GRXCR1: variants seen among roughly 807,000 people sequenced by gnomAD.
The protein encoded by GRXCR1 is glutaredoxin and cysteine rich domain containing 1.
Under a neutral mutation model 27.3 loss-of-function variants are expected in GRXCR1, and 27 were observed. The ratio of observed to expected loss-of-function variants is 0.99; its 90% CI spans 0.73 to 1.37. GRXCR1 has a LOEUF of 1.37. Among genes scored for constraint, GRXCR1 ranks in the 40% most tolerant of loss-of-function variants. The pLI is 0.00. For missense variants in GRXCR1, 379 were observed against 354.4 expected (o/e 1.07, Z -0.56); for synonymous variants, 122 against 131.1 (o/e 0.93, Z 0.47).
At chr4:42,930,898 A>G (rs1473347554) in intron 1 of GRXCR1, among the ~76,000 whole-genome samples, 3 of 152,084 alleles carry the variant, frequency 2.0e-5, no homozygotes, top group Admixed American at 2.0e-4. Context: ...TCAAGCTAGT[A>G]AATTTTCTTG....
chr4:42,975,280 G>A (rs573545699), intron 2 of GRXCR1, among the ~76,000 whole-genome samples: 1 of 152,164 alleles, frequency 6.6e-6, no homozygotes, highest in East Asian at 1.9e-4. Context: ...TTAATATCTG[G>A]CTCTGTGCCT....
intron 2 of GRXCR1, among the ~76,000 whole-genome samples, chr4:42,988,958 T>C (rs1376724763): frequency 1.3e-5 from 2 of 152,212 alleles, no homozygotes; most frequent in African/African-American, 4.8e-5. Flanking sequence ...AAAAATTTTC[T>C]GACTGGGTGA....
At chr4:42,896,253 A>AT (rs1746344469) in intron 1 of GRXCR1, among the ~76,000 whole-genome samples, 1 of 152,226 alleles carries the variant, frequency 6.6e-6, no homozygotes, top group African/African-American at 2.4e-5. Flanking sequence ...AGTCATTGCA[A>AT]TTTTTGCCTT....
intron 1 of GRXCR1, among the ~76,000 whole-genome samples, chr4:42,894,625 G>A (rs1050809981): frequency 6.6e-6 from 1 of 152,072 alleles, no homozygotes; most frequent in Non-Finnish European, 1.5e-5. Flanking sequence ...TTCAAAGAAA[G>A]TATTTGAAAA....
At chr4:43,015,471 A>G (rs1372059467) in intron 2 of GRXCR1, among the ~76,000 whole-genome samples, 1 of 152,172 alleles carries the variant, frequency 6.6e-6, no homozygotes, top group Non-Finnish European at 1.5e-5. Flanking sequence ...CAATATTTTT[A>G]TGGTTACCAA....
intron 3 of GRXCR1, among the ~76,000 whole-genome samples, chr4:43,026,958 C>T (rs1300261075): frequency 6.6e-6 from 1 of 152,280 alleles, no homozygotes; most frequent in African/African-American, 2.4e-5. Context: ...AGAAATAGCA[C>T]ATGAATTGAA....
At chr4:42,973,204 T>A (rs78108496) in intron 2 of GRXCR1, among the ~76,000 whole-genome samples, 2 of 152,308 alleles carry the variant, frequency 1.3e-5, no homozygotes, top group East Asian at 3.9e-4. Flanking sequence ...TTTTTCTTTC[T>A]TACTCCACAT....
intron 1 of GRXCR1, among the ~76,000 whole-genome samples, chr4:42,922,180 T>C (rs1868792): frequency 0.2 from 29,913 of 152,102 alleles, 3,657 homozygotes; most frequent in Admixed American, 0.29. Context: ...CACAGTCAAA[T>C]TGGGGTTTAG....
intron 1 of GRXCR1, among the ~76,000 whole-genome samples, chr4:42,944,027 G>A (rs1747685368): frequency 6.6e-6 from 1 of 152,060 alleles, no homozygotes; most frequent in Admixed American, 6.6e-5. Flanking sequence ...TCCTAACAAA[G>A]TGTGTATTTT....
At chr4:42,921,059 T>C (rs544630851) in intron 1 of GRXCR1, among the ~76,000 whole-genome samples, 6 of 152,224 alleles carry the variant, frequency 3.9e-5, no homozygotes, top group Admixed American at 1.3e-4. Context: ...TTAAAATTCA[T>C]ATGTTGAAAT....
chr4:42,976,243 A>G (rs1748515604), intron 2 of GRXCR1, among the ~76,000 whole-genome samples: 1 of 152,068 alleles, frequency 6.6e-6, no homozygotes, highest in South Asian at 2.1e-4. Context: ...TCACAGTTAA[A>G]TGAAGACTTA....
At chr4:42,978,136 T>C (rs1443666904) in intron 2 of GRXCR1, among the ~76,000 whole-genome samples, 2 of 152,110 alleles carry the variant, frequency 1.3e-5, no homozygotes, top group Admixed American at 1.3e-4. Context: ...TTCTGGCCTC[T>C]GTATTCTGTT....
intron 2 of GRXCR1, among the ~76,000 whole-genome samples, chr4:42,979,041 T>G (rs1560672825): frequency 6.6e-6 from 1 of 151,960 alleles, no homozygotes; most frequent in African/African-American, 2.4e-5. Flanking sequence ...TCCTGAGGCC[T>G]CCCTAGCCAT....
intron 1 of GRXCR1, among the ~76,000 whole-genome samples, chr4:42,955,006 T>C (rs1238256840): frequency 2.0e-5 from 3 of 152,152 alleles, no homozygotes; most frequent in Non-Finnish European, 2.9e-5. Flanking sequence ...CAGAATATCA[T>C]GGAGAGGGAG....
At chr4:42,934,584 C>T (rs1021287602) in intron 1 of GRXCR1, among the ~76,000 whole-genome samples, 34 of 151,932 alleles carry the variant, frequency 2.2e-4, no homozygotes, top group African/African-American at 7.7e-4. Flanking sequence ...CAGAATGCTA[C>T]ACATTTCTCC....
chr4:42,913,911 T>C (rs531425839), intron 1 of GRXCR1, among the ~76,000 whole-genome samples: 48 of 152,306 alleles, frequency 3.2e-4, no homozygotes, highest in Non-Finnish European at 5.7e-4. Flanking sequence ...CTTCAGAGGA[T>C]GAAAGCCCCA....
At chr4:42,988,012 A>G (rs1018702170) in intron 2 of GRXCR1, among the ~76,000 whole-genome samples, 3 of 152,190 alleles carry the variant, frequency 2.0e-5, no homozygotes, top group Non-Finnish European at 4.4e-5. Flanking sequence ...GGGTCCTCAG[A>G]TGTCACACAG....
chr4:43,003,915 G>C (rs189646385), intron 2 of GRXCR1, among the ~76,000 whole-genome samples: 2 of 152,246 alleles, frequency 1.3e-5, no homozygotes, highest in African/African-American at 4.8e-5. Flanking sequence ...GCTGGCTGCA[G>C]AAATTTACGT....
intron 1 of GRXCR1, among the ~76,000 whole-genome samples, chr4:42,953,269 G>T (rs961074867): frequency 6.6e-6 from 1 of 152,130 alleles, no homozygotes; most frequent in Non-Finnish European, 1.5e-5. Context: ...GAATCTGTGT[G>T]GGTTTTCATG....
Sources: gnomAD v4.1 joint callset for allele counts (sites outside exome capture counted in the v4.1 genomes callset) on GRCh38, gnomAD v4.1.1 for gene constraint, MANE v1.5 for transcripts, NCBI Gene and HGNC (gene_info 2026-07-23, HGNC 2026-07-21) for gene names.